The following NSRP1 variants were observed in gnomAD, a reference collection of about 807,000 sequenced individuals.
NSRP1 encodes nuclear speckle splicing regulatory protein 1.
NSRP1 carries 24 observed loss-of-function variants against 54.7 expected under a neutral mutation model. The observed-to-expected ratio is 0.44, with a 90% CI of 0.32 to 0.62. The LOEUF is 0.62. NSRP1 is among the 20% of genes least tolerant of loss of function. The pLI, the probability that NSRP1 is intolerant of heterozygous loss-of-function variation, is 0.06. For synonymous variants in NSRP1, 210 were observed against 213.8 expected (o/e 0.98, Z 0.15); for missense variants, 596 against 651.2 (o/e 0.92, Z 0.92).
At chr17:30,133,331 G>C (rs973338837) in intron 2 of NSRP1, among the ~76,000 whole-genome samples, 1 of 152,060 alleles carries the variant, frequency 6.6e-6, no homozygotes, top group Non-Finnish European at 1.5e-5. Context: ...ATAGTGTGTT[G>C]ATAGGCCTGA....
chr17:30,125,203 A>G (rs2071639217), intron 2 of NSRP1, among the ~76,000 whole-genome samples: 2 of 152,228 alleles, frequency 1.3e-5, no homozygotes, highest in South Asian at 2.1e-4. Flanking sequence ...TCAAAAAAAA[A>G]GATTAAAAAA....
At chr17:30,153,132 G>T (rs1189266604) in intron 2 of NSRP1, among the ~76,000 whole-genome samples, 1 of 151,792 alleles carries the variant, frequency 6.6e-6, no homozygotes, top group East Asian at 1.9e-4. Flanking sequence ...GGCCAGGCTG[G>T]TCTCAAACTC....
intron 2 of NSRP1, chr17:30,122,367 A>ATATATG (rs1253575275): frequency 4.7e-4 from 9 of 19,070 alleles, no homozygotes; most frequent in African/African-American, 5.2e-4. Context: ...ATATATATAT[A>ATATATG]TATATATATA....
At chr17:30,180,195 C>T (rs548797712) in intron 5 of NSRP1, among the ~76,000 whole-genome samples, 1 of 152,118 alleles carries the variant, frequency 6.6e-6, no homozygotes, top group South Asian at 2.1e-4. Flanking sequence ...CTCGCTGTGT[C>T]GCCCAGGCTG....
At chr17:30,182,368 G>A (rs1905336136) in intron 6 of NSRP1, among the ~76,000 whole-genome samples, 1 of 152,166 alleles carries the variant, frequency 6.6e-6, no homozygotes, top group Non-Finnish European at 1.5e-5. Flanking sequence ...AGTAGGTTGG[G>A]CGCAGTGACT....
At chr17:30,117,234 C>A in intron 1 of NSRP1, 1 of 616,642 alleles carries the variant, frequency 1.6e-6, no homozygotes, top group South Asian at 1.9e-5. Flanking sequence ...TTCCTGGCTT[C>A]CTTAGAGGGC....
intron 2 of NSRP1, among the ~76,000 whole-genome samples, chr17:30,138,542 G>C (rs975594605): frequency 6.6e-6 from 1 of 152,038 alleles, no homozygotes; most frequent in Non-Finnish European, 1.5e-5. Flanking sequence ...ATACTCTATT[G>C]TTTAGGGAAT....
At chr17:30,138,719 T>A (rs1012682704) in intron 2 of NSRP1, among the ~76,000 whole-genome samples, 2 of 152,008 alleles carry the variant, frequency 1.3e-5, no homozygotes, top group African/African-American at 4.8e-5. Context: ...ATAGTAATTC[T>A]GTGTTTAAGT....
At position 30,177,372 on chromosome 17, in the gene NSRP1, C is replaced by CT. The variant is rs1037196431; in HGVS notation, c.172-696dup. Among the ~76,000 whole-genome samples, 17 of 106,230 alleles carry CT rather than the reference C, an allele frequency of 1.6e-4. No homozygotes were observed. The East Asian group carries it at 2.1e-3, about 13-fold the overall frequency. The allele number at this position is 106,230 out of a possible 152,430, so 69.7% of individuals were successfully genotyped here. A position where few individuals can be genotyped will look rare whatever the true frequency, so the allele number is the denominator to read the frequency against. On this transcript the variant is annotated intron_variant, in intron 3 of 6. Transcript: ENST00000247026. ...AGTGCGACAGAGCGAGACCCCATCG[C>CT]TTTAAAAAAAAAAAAAATCTAGTGT...
rs756546980 is a variant in NSRP1 at position 30,118,069 on chromosome 17, A to T, written c.21-11A>T. ...AAGGTTTAATTTCTATTTCAAAAAA[A>T]ATATATGCAGGTATGGGCTTATTTT... On this transcript the variant is annotated splice_polypyrimidine_tract_variant and intron_variant, in intron 1 of 6. Transcript: ENST00000247026. The T allele has an allele frequency of 4.7e-5, 75 of 1,605,632 alleles. No individual in the cohort carries two copies. Among genetic ancestry groups the T allele is most frequent in the South Asian group, 8.9e-5 (8 of 90,044 alleles).
chr17:30,151,354 C>T (rs1254517172), intron 2 of NSRP1, among the ~76,000 whole-genome samples: 4 of 152,156 alleles, frequency 2.6e-5, no homozygotes, highest in Non-Finnish European at 5.9e-5. Context: ...TACCCCAAAA[C>T]TTAACCACCA....
chr17:30,161,641 G>A (rs1301848224), intron 2 of NSRP1, among the ~76,000 whole-genome samples: 9 of 152,162 alleles, frequency 5.9e-5, no homozygotes, highest in Non-Finnish European at 8.8e-5. Context: ...ATCTTGTCCT[G>A]TGTATGGGAT....
At chr17:30,146,114 G>T (rs1172182646) in intron 2 of NSRP1, among the ~76,000 whole-genome samples, 1 of 152,126 alleles carries the variant, frequency 6.6e-6, no homozygotes, top group African/African-American at 2.4e-5. Context: ...CTTTCAAAGT[G>T]CTGGGATTAC....
chr17:30,146,801 TG>T (rs995783017), intron 2 of NSRP1, among the ~76,000 whole-genome samples: 55 of 152,184 alleles, frequency 3.6e-4, no homozygotes, highest in African/African-American at 1.3e-3. Flanking sequence ...GATGGAGTTT[TG>T]CCCTGTTGGC....
intron 2 of NSRP1, chr17:30,128,359 AT>A (rs1468755930): frequency 6.6e-6 from 1 of 151,986 alleles, no homozygotes; most frequent in African/African-American, 2.4e-5. Flanking sequence ...AAAATACTCA[AT>A]TTTACTATAA....
At chr17:30,123,307 G>A (rs1480202858) in intron 2 of NSRP1, among the ~76,000 whole-genome samples, 5 of 151,946 alleles carry the variant, frequency 3.3e-5, no homozygotes, top group Admixed American at 6.6e-5. Context: ...TAGTAGAGAC[G>A]GGGTTTCACT....
At chr17:30,162,263 C>T (rs1050935738) in intron 2 of NSRP1, among the ~76,000 whole-genome samples, 2 of 152,194 alleles carry the variant, frequency 1.3e-5, no homozygotes, top group African/African-American at 4.8e-5. Flanking sequence ...ATCTCCCAAC[C>T]TCATGATCCA....
chr17:30,161,249 G>T (rs1904504641), intron 2 of NSRP1, among the ~76,000 whole-genome samples: 1 of 152,116 alleles, frequency 6.6e-6, no homozygotes, highest in Non-Finnish European at 1.5e-5. Context: ...AAATACCTGT[G>T]CATGGAATGG....
At chr17:30,127,251 T>G (rs941210392) in intron 2 of NSRP1, among the ~76,000 whole-genome samples, 9 of 152,224 alleles carry the variant, frequency 5.9e-5, no homozygotes, top group Non-Finnish European at 1.5e-5. Context: ...GTTTTTTAGA[T>G]GTTTATCTAT....
Sources: gnomAD v4.1 joint callset for allele counts (sites outside exome capture counted in the v4.1 genomes callset) on GRCh38, gnomAD v4.1.1 for gene constraint, MANE v1.5 for transcripts, NCBI Gene and HGNC (gene_info 2026-07-23, HGNC 2026-07-21) for gene names.